Variants in TMEM132C observed in about 807,000 individuals in gnomAD.
TMEM132C encodes transmembrane protein 132C.
In TMEM132C, 29 loss-of-function variants were observed where a neutral mutation model predicts 61.4. The ratio of observed to expected loss-of-function variants is 0.47; its 90% CI spans 0.35 to 0.64. The LOEUF (loss-of-function observed/expected upper bound fraction) is 0.64, where lower values mean the gene tolerates loss of function less well. Ranked by LOEUF, TMEM132C falls within the 30% of genes least tolerant of loss-of-function variation. The pLI, the probability that TMEM132C is intolerant of heterozygous loss-of-function variation, is 0.00. For synonymous variants in TMEM132C, 656 were observed against 633.1 expected, an observed-to-expected ratio of 1.04 and a Z score of -0.54; for missense variants, 1,408 against 1,476.9, an observed-to-expected ratio of 0.95 and a Z score of 0.76.
chr12:128,620,674 C>T (rs1036076774), intron 4 of TMEM132C, among the ~76,000 whole-genome samples: 2 of 152,088 alleles, frequency 1.3e-5, no homozygotes, highest in Admixed American at 1.3e-4. Context: ...ATTAAATTTC[C>T]TGAGAAGTGG....
chr12:128,290,702 CT>C (rs1566044085), intron 1 of TMEM132C, among the ~76,000 whole-genome samples: 1 of 152,112 alleles, frequency 6.6e-6, no homozygotes, highest in Non-Finnish European at 1.5e-5. Flanking sequence ...CATATATGCC[CT>C]TTCCAAATAA....
At chr12:128,387,398 T>C (rs1874621147) in intron 1 of TMEM132C, among the ~76,000 whole-genome samples, 1 of 152,232 alleles carries the variant, frequency 6.6e-6, no homozygotes, top group Non-Finnish European at 1.5e-5. Flanking sequence ...GGGAAACCTG[T>C]GCCTGGGAGG....
intron 2 of TMEM132C, among the ~76,000 whole-genome samples, chr12:128,447,671 C>T (rs1870028145): frequency 6.6e-6 from 1 of 150,716 alleles, no homozygotes; most frequent in Admixed American, 6.6e-5. Flanking sequence ...GTCAGAGTCA[C>T]CACACTCCTA....
At chr12:128,302,725 T>C (rs527807874) in intron 1 of TMEM132C, among the ~76,000 whole-genome samples, 59 of 152,280 alleles carry the variant, frequency 3.9e-4, no homozygotes, top group African/African-American at 1.3e-3. Flanking sequence ...ATAAAACATA[T>C]CTACATGACA....
At chr12:128,606,632 G>A (rs896513306) in intron 3 of TMEM132C, among the ~76,000 whole-genome samples, 1 of 152,156 alleles carries the variant, frequency 6.6e-6, no homozygotes, top group Non-Finnish European at 1.5e-5. Context: ...TGGCAGAGGG[G>A]CCCCTAGTGT....
intron 1 of TMEM132C, among the ~76,000 whole-genome samples, chr12:128,358,161 C>T (rs938252799): frequency 8.5e-5 from 13 of 152,104 alleles, no homozygotes; most frequent in Admixed American, 1.3e-4. Context: ...TCTCCACTTT[C>T]TGGAAGTTTC....
At chr12:128,479,232 G>A (rs11059710) in intron 2 of TMEM132C, among the ~76,000 whole-genome samples, 5,096 of 152,292 alleles carry the variant, frequency 0.033, 299 homozygotes, top group African/African-American at 0.11. Context: ...CGAGGAGGGA[G>A]AGGATCAGGA....
At chr12:128,675,166 T>G (rs1320028232) in intron 5 of TMEM132C, among the ~76,000 whole-genome samples, 1 of 152,164 alleles carries the variant, frequency 6.6e-6, no homozygotes, top group Non-Finnish European at 1.5e-5. Flanking sequence ...ATTAACCAAC[T>G]ACCACATTTA....
At chr12:128,665,643 A>ACACC (rs770882023) in intron 4 of TMEM132C, among the ~76,000 whole-genome samples, 2 of 146,206 alleles carry the variant, frequency 1.4e-5, no homozygotes, top group Non-Finnish European at 3.0e-5. Context: ...ACACACACAC[A>ACACC]CCCAGGCACA....
At chr12:128,653,028 T>C (rs1323413164) in intron 4 of TMEM132C, among the ~76,000 whole-genome samples, 1 of 152,180 alleles carries the variant, frequency 6.6e-6, no homozygotes, top group Non-Finnish European at 1.5e-5. Context: ...ACAACCCAAA[T>C]GTCCATCAAT....
intron 1 of TMEM132C, among the ~76,000 whole-genome samples, chr12:128,366,218 C>T (rs534014520): frequency 1.3e-5 from 2 of 152,182 alleles, no homozygotes; most frequent in Non-Finnish European, 2.9e-5. Context: ...GCGACAGACT[C>T]CAGACCTCTA....
At chr12:128,385,435 C>T (rs75048697) in intron 1 of TMEM132C, among the ~76,000 whole-genome samples, 1 of 132,860 alleles carries the variant, frequency 7.5e-6, no homozygotes, top group African/African-American at 2.7e-5. Context: ...AGGATCATTG[C>T]AAAGATTCGA....
At chr12:128,325,527 C>CATGT (rs1462697343) in intron 1 of TMEM132C, among the ~76,000 whole-genome samples, 2 of 152,026 alleles carry the variant, frequency 1.3e-5, no homozygotes, top group Non-Finnish European at 2.9e-5. Context: ...TATACATGCA[C>CATGT]ATGTATGTAT....
At chr12:128,676,706 A>G (rs1593144891) in intron 5 of TMEM132C, among the ~76,000 whole-genome samples, 1 of 152,246 alleles carries the variant, frequency 6.6e-6, no homozygotes, top group East Asian at 1.9e-4. Context: ...ACACAATTCA[A>G]CACACATGTA....
intron 2 of TMEM132C, among the ~76,000 whole-genome samples, chr12:128,448,125 G>A (rs1462414528): frequency 6.6e-6 from 1 of 151,754 alleles, no homozygotes; most frequent in Non-Finnish European, 1.5e-5. Flanking sequence ...TTTTGTTGTT[G>A]TTGTCACTGG....
At chr12:128,489,687 CAT>C (rs747502504) in intron 2 of TMEM132C, among the ~76,000 whole-genome samples, 3 of 151,448 alleles carry the variant, frequency 2.0e-5, no homozygotes, top group Non-Finnish European at 4.4e-5. Flanking sequence ...CACTCAGACT[CAT>C]ATATATATAC....
chr12:128,600,597 G>A (rs1406439902), intron 3 of TMEM132C, among the ~76,000 whole-genome samples: 1 of 152,162 alleles, frequency 6.6e-6, no homozygotes, highest in Non-Finnish European at 1.5e-5. Flanking sequence ...CACCACAGGG[G>A]GCATGGAGGG....
chr12:128,619,273 C>A (rs1002246361), intron 4 of TMEM132C, among the ~76,000 whole-genome samples: 10 of 152,206 alleles, frequency 6.6e-5, no homozygotes, highest in African/African-American at 2.4e-4. Context: ...ATCTGCCTCA[C>A]TGGGGAAGTT....
At chr12:128,621,466 T>C (rs1953961783) in intron 4 of TMEM132C, among the ~76,000 whole-genome samples, 1 of 152,112 alleles carries the variant, frequency 6.6e-6, no homozygotes, top group Admixed American at 6.5e-5. Context: ...TAGCACCCCG[T>C]AGCCAAGGGA....
Sources: gnomAD v4.1 joint callset for allele counts (sites outside exome capture counted in the v4.1 genomes callset) on GRCh38, gnomAD v4.1.1 for gene constraint, MANE v1.5 for transcripts, NCBI Gene and HGNC (gene_info 2026-07-23, HGNC 2026-07-21) for gene names.